Variants in STARD9 observed in about 807,000 individuals in gnomAD.
The protein encoded by STARD9 is stAR-related lipid transfer protein 9.
A neutral mutation model predicts 399.8 loss-of-function variants in STARD9; 346 were observed. The ratio of observed to expected loss-of-function variants is 0.87; its 90% CI spans 0.79 to 0.95. STARD9 has a LOEUF of 0.95. Among genes scored for constraint, STARD9 ranks in the 40% least tolerant of loss-of-function variants. The pLI is 0.00. For synonymous variants in STARD9, 2,203 were observed against 2,143.5 expected (o/e 1.03, Z -0.77); for missense variants, 5,832 against 5,667.5 (o/e 1.03, Z -0.93).
At chr15:42,705,333 T>C (rs2061053040) in intron 26 of STARD9, among the ~76,000 whole-genome samples, 1 of 152,174 alleles carries the variant, frequency 6.6e-6, no homozygotes, top group African/African-American at 2.4e-5. Flanking sequence ...AGCGAAGATA[T>C]TTTCTTTTGT....
chr15:42,656,417 G>A (rs2059874735), intron 9 of STARD9, among the ~76,000 whole-genome samples: 1 of 147,640 alleles, frequency 6.8e-6, no homozygotes, highest in South Asian at 2.1e-4. Flanking sequence ...ACTGTTGATG[G>A]GAATATAAAC....
At chr15:42,698,362 T>A (rs2060889776) in intron 26 of STARD9, among the ~76,000 whole-genome samples, 1 of 152,206 alleles carries the variant, frequency 6.6e-6, no homozygotes, top group South Asian at 2.1e-4. Flanking sequence ...TAGCTGAGAG[T>A]TTACCTTTTC....
At position 42,691,842 on chromosome 15, in the gene STARD9, A is replaced by G. The variant is rs138447628; in HGVS notation, c.10264A>G (p.Thr3422Ala). The part of the protein sequence containing the change: ...TLSHMPTPDF[T>A]TSWMSGTLEQ... ...CTCACACATGCCAACCCCTGATTTC[A>G]CGACCAGCTGGATGTCTGGTACTTT... is the stretch of plus-strand genomic sequence containing the variant. Residue 3422 changes from threonine (T) to alanine (A), a missense_variant, in exon 23 of 33, where the codon ACG (threonine) becomes GCG (alanine). By Grantham distance (58) the Thr-to-Ala change is moderately conservative. Coordinates refer to ENST00000290607, the MANE Select transcript of STARD9 (RefSeq NM_020759.3). 1 of 1,537,118 alleles carries G rather than the reference A, an allele frequency of 6.5e-7. No individual in the cohort carries two copies. The highest frequency in any genetic ancestry group is 8.7e-7 in the Non-Finnish European group (1 of 1,146,918).
chr15:42,659,237 G>GT (rs1215493736), intron 9 of STARD9, among the ~76,000 whole-genome samples: 1 of 152,128 alleles, frequency 6.6e-6, no homozygotes, highest in African/African-American at 2.4e-5. Context: ...TCTAAACACC[G>GT]TAAGAAAACA....
chr15:42,610,610 G>A (rs1258716044), intron 3 of STARD9, among the ~76,000 whole-genome samples: 2 of 151,982 alleles, frequency 1.3e-5, no homozygotes, highest in East Asian at 3.9e-4. Context: ...GTGCAGTGGC[G>A]CAATCTTGGC....
intron 22 of STARD9, among the ~76,000 whole-genome samples, chr15:42,683,174 C>G (rs1263853232): frequency 6.6e-6 from 1 of 152,214 alleles, no homozygotes; most frequent in South Asian, 2.1e-4. Context: ...TCCTCAGGAC[C>G]TAGCACAGGT....
At position 42,663,409 on chromosome 15, in the gene STARD9, T is replaced by C. The variant is rs2060027487; in HGVS notation, c.997T>C (p.Tyr333His). The C allele has an allele frequency of 7.8e-6, 12 of 1,537,288 alleles. No individual in the cohort carries two copies. The highest frequency in any genetic ancestry group is 1.0e-5 in the Non-Finnish European group (12 of 1,146,916). ...SGGAPSRRQS[Y>H]IPYRDSVLTW... The stretch of plus-strand genomic sequence containing the variant: ...AGGGGCACCCTCCCGAAGGCAGTCT[T>C]ATATCCCATACCGAGACTCTGTGTT... Residue 333 changes from tyrosine (Y) to histidine (H), a missense_variant, in exon 12 of 33, where the codon TAT becomes CAT. Physicochemically the swap from Tyr to His is moderately conservative, Grantham distance 83. Transcript: ENST00000290607.
intron 16 of STARD9, among the ~76,000 whole-genome samples, chr15:42,673,286 C>T (rs944658640): frequency 5.9e-5 from 9 of 151,916 alleles, no homozygotes; most frequent in Non-Finnish European, 1.0e-4. Context: ...CCTGTAGTCC[C>T]AGCTAGTTGG....
chr15:42,687,780 C>G lies in STARD9; in HGVS notation c.6202C>G (p.Gln2068Glu). ...ENGILEIESK[Q>E]NKQVHASHTP... Reference sequence around the variant, plus strand: ...TGGCATCTTAGAAATTGAATCTAAGCAGAATAAGCAGGTTCATGCTTCCCA... The same window carrying G: ...TGGCATCTTAGAAATTGAATCTAAGGAGAATAAGCAGGTTCATGCTTCCCA... Residue 2068 changes from glutamine (Q) to glutamate (E), a missense_variant, in exon 23 of 33, where the codon CAG (glutamine) becomes GAG (glutamate). Transcript: ENST00000290607. 1 of 1,537,356 alleles carries G rather than the reference C, an allele frequency of 6.5e-7. No individual in the cohort carries two copies. The highest frequency in any genetic ancestry group is 8.7e-7 in the Non-Finnish European group (1 of 1,146,926).
At chr15:42,700,270 G>A (rs2060938258) in intron 26 of STARD9, among the ~76,000 whole-genome samples, 1 of 151,398 alleles carries the variant, frequency 6.6e-6, no homozygotes, top group Non-Finnish European at 1.5e-5. Flanking sequence ...TTGACATACT[G>A]ATTTCATTTT....
Position 42,685,069 on chromosome 15 carries a change from G to A in STARD9, c.3491G>A (p.Gly1164Glu). ...TACCAAAGCCCCAAAAACAGGCTAG[G>A]GGGCAATCGTCCCACCAACAACCGT... ...KRYQSPKNRL[G>E]GNRPTNNRGQ... Residue 1164 changes from glycine (G) to glutamate (E), a missense_variant, in exon 23 of 33, where the codon GGG becomes GAG. By Grantham distance (98) the Gly-to-Glu change is moderately conservative. Coordinates refer to ENST00000290607, the MANE Select transcript of STARD9 (RefSeq NM_020759.3). 2 of 1,537,186 alleles carry A rather than the reference G, an allele frequency of 1.3e-6. No homozygotes were observed. The highest frequency in any genetic ancestry group is 1.2e-5 in the South Asian group (1 of 84,048).
At chr15:42,635,786 T>G (rs3099758) in intron 4 of STARD9, among the ~76,000 whole-genome samples, 2 of 152,004 alleles carry the variant, frequency 1.3e-5, no homozygotes, top group Admixed American at 6.5e-5. Flanking sequence ...GACTAAATCT[T>G]AAGTGCATGC....
chr15:42,694,408 A>G, intron 23 of STARD9, 66 bp downstream of exon 23: 3 of 1,531,148 alleles, frequency 2.0e-6, no homozygotes, highest in Non-Finnish European at 2.6e-6. Flanking sequence ...AACCCAAGAA[A>G]GCTAATAGCT....
chr15:42,680,133 A>G (rs887439908), intron 20 of STARD9, among the ~76,000 whole-genome samples: 1 of 152,182 alleles, frequency 6.6e-6, no homozygotes, highest in Admixed American at 6.5e-5. Flanking sequence ...GGCTCCTTTA[A>G]AAACCTAAAT....
Position 42,716,663 on chromosome 15 carries a change from CCT to C in STARD9, c.13285-9_13285-8del. 1 of 1,504,244 alleles carries C rather than the reference CCT, an allele frequency of 6.6e-7. No individual in the cohort carries two copies. Among genetic ancestry groups the C allele is most frequent in the East Asian group, 2.5e-5 (1 of 40,760 alleles). The allele number at this position is 1,504,244 out of a possible 1,614,324, so 93.2% of individuals were successfully genotyped here. On this transcript the variant is annotated splice_polypyrimidine_tract_variant and intron_variant, in intron 26 of 32. Coordinates refer to ENST00000290607, the MANE Select transcript of STARD9 (RefSeq NM_020759.3). ...TGCCTTCTGGCTCTGTCCTGAGTAT[CCT>C]CTCTTCTGCAGGGGCATACAAACTT...
chr15:42,680,419 G>A (rs981651043), intron 20 of STARD9, among the ~76,000 whole-genome samples: 3 of 151,994 alleles, frequency 2.0e-5, no homozygotes, highest in African/African-American at 4.8e-5. Context: ...GGCCAACATG[G>A]TAAAATCCTG....
chr15:42,691,738 C>T lies in STARD9; in HGVS notation c.10160C>T (p.Ser3387Leu). 1 of 1,537,262 alleles carries T rather than the reference C, an allele frequency of 6.5e-7. No individual in the cohort carries two copies. The highest frequency in any genetic ancestry group is 8.7e-7 in the Non-Finnish European group (1 of 1,146,924). The change falls in exon 23 of 33, where the codon TCA (serine) becomes TTA (leucine). Residue 3387 changes from serine (S) to leucine (L), a missense_variant. By Grantham distance (145) the Ser-to-Leu change is moderately radical. Around this residue, in one of 2 missense-constraint regions of STARD9, gnomAD observed 5,828 missense variants for 5,651.1 expected, o/e 1.03. Coordinates refer to ENST00000290607, the MANE Select transcript of STARD9 (RefSeq NM_020759.3). ...LQAEDSNQKA[S>L]SRLDDGTTDH... ...GCTGAGGACAGCAATCAGAAAGCCT[C>T]ATCTCGCTTGGATGATGGGACTACC...
intron 7 of STARD9, among the ~76,000 whole-genome samples, chr15:42,645,963 C>T (rs2059637502): frequency 6.6e-6 from 1 of 151,970 alleles, no homozygotes; most frequent in South Asian, 2.1e-4. Context: ...AGTTCGAGAC[C>T]AGCCTGGCCA....
At chr15:42,635,232 C>A (rs894583084) in intron 4 of STARD9, among the ~76,000 whole-genome samples, 7 of 150,264 alleles carry the variant, frequency 4.7e-5, no homozygotes, top group African/African-American at 1.5e-4. Context: ...TGCACTCCAG[C>A]CTGGGCAACA....
Sources: allele counts gnomAD v4.1 joint callset (sites outside exome capture counted in the v4.1 genomes callset), GRCh38; gene constraint gnomAD v4.1.1; regional missense constraint gnomAD v4.1.1; transcripts MANE v1.5; gene names NCBI Gene and HGNC (gene_info 2026-07-23, HGNC 2026-07-21).